Variants in NCOA4 observed in about 807,000 individuals in gnomAD.
NCOA4 encodes the protein 70 kDa AR-activator.
A neutral mutation model predicts 69.5 loss-of-function variants in NCOA4; 31 were observed. The observed-to-expected ratio is 0.45, with a 90% confidence interval of 0.34 to 0.60. The LOEUF is 0.60. Ranked by LOEUF, NCOA4 falls within the 20% of genes least tolerant of loss-of-function variation. The probability of loss-of-function intolerance (pLI) is 0.02; values close to 1 mark genes in which losing one functional copy is unlikely to be tolerated. For missense variants in NCOA4, 600 were observed against 719.2 expected (o/e 0.83, Z 1.90); for synonymous variants, 228 against 252.4 (o/e 0.90, Z 0.92).
At chr10:46,012,070 GAAAAAAAAAAAAAA>G (rs71026286) in intron 7 of NCOA4, among the ~76,000 whole-genome samples, 234 of 44,490 alleles carry the variant, frequency 5.3e-3, no homozygotes, top group African/African-American at 0.014. Context: ...CAAAAAGAAA[GAAAAAAAAAAAAAA>G]AAAAAAAAAA....
intron 1 of NCOA4, chr10:46,027,463 C>T: frequency 6.4e-7 from 1 of 1,551,566 alleles, no homozygotes; most frequent in East Asian, 2.4e-5. Context: ...ACTGGGCCCC[C>T]ATTCCAGCCT....
chr10:46,027,348 T>C (rs1840218954), intron 1 of NCOA4: 2 of 1,243,210 alleles, frequency 1.6e-6, no homozygotes, highest in African/African-American at 3.0e-5. Context: ...TGCAATGTTA[T>C]GATTTAACAA....
At chr10:46,012,350 T>C (rs1301890292) in intron 7 of NCOA4, among the ~76,000 whole-genome samples, 12 of 152,148 alleles carry the variant, frequency 7.9e-5, no homozygotes, top group Admixed American at 7.9e-4. Context: ...ATGCAATTTC[T>C]ATAAATGTAC....
At chr10:46,020,721 T>C (rs545684516) in intron 1 of NCOA4, among the ~76,000 whole-genome samples, 95 of 152,350 alleles carry the variant, frequency 6.2e-4, no homozygotes, top group Middle Eastern at 6.8e-3. Context: ...CTAAATCCTC[T>C]AATATATACC....
At chr10:46,020,327 C>A (rs898050261) in intron 1 of NCOA4, among the ~76,000 whole-genome samples, 2 of 152,188 alleles carry the variant, frequency 1.3e-5, no homozygotes, top group African/African-American at 2.4e-5. Context: ...TGGGCCTCAA[C>A]TTCCTCAGGA....
At chr10:46,007,151 A>G (rs558724672) in intron 9 of NCOA4, among the ~76,000 whole-genome samples, 1 of 152,348 alleles carries the variant, frequency 6.6e-6, no homozygotes, top group Admixed American at 6.5e-5. Flanking sequence ...TGAATAATTT[A>G]AAAAGCAAAC....
In NCOA4 at chr10:46,015,152, G is replaced by T; in HGVS notation, c.256C>A (p.Gln86Lys). 6.2e-7 allele frequency: 1 copy of T among 1,614,190 alleles called. No individual in the cohort carries two copies. The highest frequency in any genetic ancestry group is 1.1e-5 in the South Asian group (1 of 91,078). The change falls in exon 3 of 10, where the codon CAA (glutamine) becomes AAA (lysine). Residue 86 changes from glutamine (Q) to lysine (K), a missense_variant. Transcript: ENST00000581486. ...GAGTAGAGCTGCTGAGCCTGCTGTT[G>T]AAGTGTCTCCTCTTTAAGCTGATAA... ...LIYQLKEETL[Q>K]QQAQQLYSLL...
intron 1 of NCOA4, among the ~76,000 whole-genome samples, chr10:46,020,726 T>C (rs1839818830): frequency 6.6e-6 from 1 of 152,220 alleles, no homozygotes; most frequent in Admixed American, 6.5e-5. Flanking sequence ...TCCTCTAATA[T>C]ATACCAAGTA....
In NCOA4 at chr10:46,030,323, G is replaced by C. The variant is rs529912407; in HGVS notation, c.-15+203C>G. On this transcript the variant is annotated intron_variant, in intron 1 of 9. Coordinates refer to ENST00000581486, the MANE Select transcript of NCOA4 (RefSeq NM_001145263.2). ...AAGGCGAGAACGTAGGCCCGGGCCC[G>C]GCGTGTGGCCGGAAGGGGAGAAGAC... 2.0e-5 allele frequency among the ~76,000 whole-genome samples: 3 copies of C among 151,734 alleles called. No individual in the cohort carries two copies. In the East Asian group the frequency reaches 5.9e-4, roughly 30 times the overall value.
intron 9 of NCOA4, among the ~76,000 whole-genome samples, chr10:46,007,041 C>T (rs1554919974): frequency 6.6e-6 from 1 of 152,186 alleles, no homozygotes; most frequent in African/African-American, 2.4e-5. Flanking sequence ...ACCAGCCAAG[C>T]TGTGAGCACA....
Position 46,014,559 on chromosome 10 carries a change from A to T in NCOA4, c.372-7T>A. 6.4e-7 allele frequency: 1 copy of T among 1,562,766 alleles called. No individual in the cohort carries two copies. The highest frequency in any genetic ancestry group is 8.7e-7 in the Non-Finnish European group (1 of 1,149,338). On this transcript the variant is annotated splice_polypyrimidine_tract_variant and splice_region_variant and intron_variant, in intron 4 of 9. Transcript: ENST00000581486. ...AAGGGTCAAACTGCCCAGTCTGGGG[A>T]AAAAAAAACAAAATTGGCTATTTTT...
intron 1 of NCOA4, chr10:46,023,447 C>T: frequency 2.0e-6 from 2 of 985,746 alleles, no homozygotes; most frequent in Non-Finnish European, 1.2e-6. Context: ...CGTCACACGG[C>T]AACTCCAGTT....
rs1838820259 is a variant in NCOA4, at chr10:46,006,547, T to A, written c.*45A>T. On this transcript the variant is annotated 3_prime_UTR_variant, in exon 10 of 10. Transcript: ENST00000581486. ...CAAGCTGCAGTCACTCAGCTCATGA[T>A]GTGTGATAATCAGCAGAAAGGCTGC... 1.9e-6 allele frequency: 3 copies of A among 1,610,822 alleles called. No individual in the cohort carries two copies. In the East Asian group the frequency reaches 6.7e-5, roughly 36 times the overall value.
intron 1 of NCOA4, among the ~76,000 whole-genome samples, chr10:46,023,685 C>T (rs1470993214): frequency 1.3e-5 from 2 of 152,254 alleles, no homozygotes; most frequent in South Asian, 2.1e-4. Flanking sequence ...TCTCCAGCCT[C>T]TCCTCTCCCC....
chr10:46,023,067 T>G (rs782425833), intron 1 of NCOA4, among the ~76,000 whole-genome samples: 3 of 152,210 alleles, frequency 2.0e-5, no homozygotes, highest in Non-Finnish European at 2.9e-5. Context: ...TTTTCTAAAG[T>G]AGTAACTGAA....
rs182379287 is a variant in NCOA4 at position 46,020,101 on chromosome 10, G to A, written c.-14-3407C>T. Among the ~76,000 whole-genome samples, 4 of 152,344 alleles carry A rather than the reference G, an allele frequency of 2.6e-5. No individual in the cohort carries two copies. In the East Asian group the frequency reaches 7.7e-4, roughly 29 times the overall value. ...ACCATGGGTGAATTCAAATCACAATGAGCCTAAGCCAGCTGTACGAAATGT... is the reference window on the plus strand; with the variant it reads ...ACCATGGGTGAATTCAAATCACAATAAGCCTAAGCCAGCTGTACGAAATGT... On this transcript the variant is annotated intron_variant, in intron 1 of 9. Transcript: ENST00000581486.
chr10:46,010,927 A>G lies in NCOA4; in HGVS notation c.994T>C (p.Phe332Leu), dbSNP rs782578435. ...CAATCATTCACATTATAGGACTGGA[A>G]TAAGAGCTTAAACTTCTCACTGGTT... is the stretch of plus-strand genomic sequence containing the variant. ...RETSEKFKLL[F>L]QSYNVNDWLV... The change falls in exon 8 of 10, where the codon TTC becomes CTC. Residue 332 changes from phenylalanine (F) to leucine (L), a missense_variant. Transcript: ENST00000581486. 4 of 1,613,970 alleles carry G rather than the reference A, an allele frequency of 2.5e-6. No individual in the cohort carries two copies. The highest frequency in any genetic ancestry group is 2.2e-5 in the South Asian group (2 of 91,076).
rs576359661 is a variant in NCOA4, at chr10:46,011,466, G to A, written c.715-260C>T. On this transcript the variant is annotated intron_variant, in intron 7 of 9. Transcript: ENST00000581486. ...TTTTTTTTGTATTTTTAGTAGAGAC[G>A]GGGTTTCACCGTGTTAGCCAGGATG... Among the ~76,000 whole-genome samples, 148 of 150,702 alleles carry A rather than the reference G, an allele frequency of 9.8e-4. 1 individual carries two copies. Among genetic ancestry groups the A allele is most frequent in the African/African-American group, 3.2e-3 (130 of 41,076 alleles).
At chr10:46,013,685 C>T in intron 5 of NCOA4, 46 bp from the exon 6 acceptor site, 1 of 1,348,110 alleles carries the variant, frequency 7.4e-7, no homozygotes, top group Non-Finnish European at 1.0e-6. Context: ...GCTATGCTGC[C>T]AAAAAAGTGA....
Sources: gnomAD v4.1 joint callset for allele counts (sites outside exome capture counted in the v4.1 genomes callset) on GRCh38, gnomAD v4.1.1 for gene constraint, MANE v1.5 for transcripts, NCBI Gene and HGNC (gene_info 2026-07-23, HGNC 2026-07-21) for gene names.